Variants in CSNK2A2 observed in about 807,000 individuals in gnomAD.
CSNK2A2 encodes casein kinase 2 alpha 2, also known as casein kinase II subunit alpha'.
A neutral mutation model predicts 54.0 loss-of-function variants in CSNK2A2; 8 were observed. The observed-to-expected ratio is 0.15, with a 90% CI of 0.09 to 0.27. The LOEUF (loss-of-function observed/expected upper bound fraction) is 0.27. CSNK2A2 is among the 10% of genes least tolerant of loss of function. The probability of loss-of-function intolerance (pLI) is 1.00; values close to 1 mark genes in which losing one functional copy is unlikely to be tolerated. For synonymous variants in CSNK2A2, 141 were observed against 153.9 expected, an observed-to-expected ratio of 0.92 and a Z score of 0.62; for missense variants, 242 against 439.4, an observed-to-expected ratio of 0.55 and a Z score of 4.02.
intron 11 of CSNK2A2, chr16:58,161,546 C>CACACACACACACACACAG (rs372634548): frequency 1.5e-4 from 23 of 150,438 alleles, no homozygotes; most frequent in African/African-American, 5.7e-4. Flanking sequence ...CAGACACACA[C>CACACACACACACACACAG]ACAGACACAC....
Position 58,171,867 on chromosome 16 carries a change from A to C in CSNK2A2, c.429+2584T>G, listed in dbSNP as rs550976965. ...CAGTGGCATGATCTCAGCTCACTGC[A>C]ACCTCTGCCTCACAGGCTCAAGTGG... On this transcript the variant is annotated intron_variant, in intron 5 of 11. Transcript: ENST00000262506. Among the ~76,000 whole-genome samples, 11 of 148,480 alleles carry C rather than the reference A, an allele frequency of 7.4e-5. No individual in the cohort carries two copies. The East Asian group carries it at 2.2e-3, about 29-fold the overall frequency.
intron 5 of CSNK2A2, among the ~76,000 whole-genome samples, chr16:58,170,087 CTTTG>C (rs773915144): frequency 4.4e-4 from 67 of 152,086 alleles, no homozygotes; most frequent in Middle Eastern, 3.4e-3. Flanking sequence ...GAGAAAATTG[CTTTG>C]TTTAAGATGA....
intron 2 of CSNK2A2, among the ~76,000 whole-genome samples, chr16:58,196,170 C>A (rs1318233492): frequency 6.6e-6 from 1 of 152,106 alleles, no homozygotes; most frequent in Admixed American, 6.5e-5. Flanking sequence ...ACAAACGGAG[C>A]CCTTTTGGAA....
At chr16:58,167,824 A>G (rs944894396) in intron 6 of CSNK2A2, 29 bp from the exon 7 acceptor site, 1 of 1,570,956 alleles carries the variant, frequency 6.4e-7, no homozygotes, top group African/African-American at 1.4e-5. Flanking sequence ...AAAACATGTG[A>G]AAGGAGTGTT....
intron 4 of CSNK2A2, among the ~76,000 whole-genome samples, chr16:58,178,833 T>C (rs569455593): frequency 6.6e-6 from 1 of 152,306 alleles, no homozygotes; most frequent in South Asian, 2.1e-4. Context: ...ACACTTGGTA[T>C]AACAAATGAT....
intron 11 of CSNK2A2, chr16:58,161,526 GACACACACACAGAC>G (rs1567460694): frequency 9.3e-6 from 1 of 107,500 alleles, no homozygotes; most frequent in Non-Finnish European, 1.7e-5. Flanking sequence ...TAGACACACA[GACACACACACAGAC>G]ACACACACAG....
At chr16:58,171,979 A>ATTTTT (rs746200172) in intron 5 of CSNK2A2, among the ~76,000 whole-genome samples, 1 of 66,186 alleles carries the variant, frequency 1.5e-5, no homozygotes, top group Non-Finnish European at 2.5e-5. Context: ...ATATATATAT[A>ATTTTT]TTTTTTTTTT....
At chr16:58,192,138 G>A (rs1365788505) in intron 2 of CSNK2A2, among the ~76,000 whole-genome samples, 1 of 152,148 alleles carries the variant, frequency 6.6e-6, no homozygotes, top group African/African-American at 2.4e-5. Context: ...TTATTTCATA[G>A]ATGAGAAAAC....
At position 58,164,145 on chromosome 16, in the gene CSNK2A2, G is replaced by C; in HGVS notation, c.979C>G (p.Pro327Ala). ...KEAMEHPYFYPVVKEQSQPCA... is the reference protein window; with the variant it reads ...KEAMEHPYFYAVVKEQSQPCA... ...GGCTGGGACTGCTCCTTCACCACAG[G>C]GTCTGCAAGAAAGCAGGAGGAAAGT... Residue 327 changes from proline (P) to alanine (A), a missense_variant and splice_region_variant, in exon 11 of 12, where the codon CCT (proline) becomes GCT (alanine). By Grantham distance (27) the Pro-to-Ala change is conservative (BLOSUM62 -1). Around this residue, in one of 5 missense-constraint regions of CSNK2A2, gnomAD observed 81 missense variants for 135.0 expected, o/e 0.60. Coordinates refer to ENST00000262506, the MANE Select transcript of CSNK2A2 (RefSeq NM_001896.4). 6.2e-7 allele frequency: 1 copy of C among 1,613,672 alleles called. No individual in the cohort carries two copies. Among genetic ancestry groups the C allele is most frequent in the African/African-American group, 1.3e-5 (1 of 75,018 alleles).
chr16:58,162,540 T>C (rs1227419744), intron 11 of CSNK2A2: 2 of 152,124 alleles, frequency 1.3e-5, no homozygotes, highest in Non-Finnish European at 1.5e-5. Flanking sequence ...ACCAATAAGA[T>C]TTTATTGGAA....
In CSNK2A2 at chr16:58,165,637, T is replaced by C; in HGVS notation, c.899A>G (p.Asp300Gly). 1 of 1,614,124 alleles carries C rather than the reference T, an allele frequency of 6.2e-7. No homozygotes were observed. The highest frequency in any genetic ancestry group is 8.5e-7 in the Non-Finnish European group (1 of 1,179,984). ...NRHLVSPEALDLLDKLLRYDH... is the reference protein window; with the variant it reads ...NRHLVSPEALGLLDKLLRYDH... The stretch of plus-strand genomic sequence containing the variant: ...GTATCGCAGAAGTTTGTCCAGAAGA[T>C]CTAGGGCCTCAGGGCTGACAAGGTG... The change falls in exon 10 of 12, where the codon GAT (aspartate) becomes GGT (glycine). Residue 300 changes from aspartate (D) to glycine (G), a missense_variant. Around this residue, in one of 5 missense-constraint regions of CSNK2A2, gnomAD observed 81 missense variants for 135.0 expected, o/e 0.60. Transcript: ENST00000262506.
chr16:58,171,122 C>T (rs1229133498), intron 5 of CSNK2A2, among the ~76,000 whole-genome samples: 1 of 152,118 alleles, frequency 6.6e-6, no homozygotes, highest in Non-Finnish European at 1.5e-5. Flanking sequence ...GAATGGACTT[C>T]TTCATGCTGG....
At chr16:58,187,536 C>T (rs1262811490) in intron 2 of CSNK2A2, among the ~76,000 whole-genome samples, 2 of 152,162 alleles carry the variant, frequency 1.3e-5, no homozygotes, top group African/African-American at 4.8e-5. Context: ...AGATTAAAGG[C>T]TTTAAAAATA....
chr16:58,161,415 T>C (rs1265045329), intron 11 of CSNK2A2: 2 of 152,156 alleles, frequency 1.3e-5, no homozygotes, highest in African/African-American at 4.8e-5. Flanking sequence ...TTTAAGATAA[T>C]GAAGCAAACA....
In CSNK2A2 at chr16:58,167,383, C is replaced by T. The variant is rs543285342; in HGVS notation, c.625-75G>A. On this transcript the variant is annotated intron_variant, in intron 7 of 11. Transcript: ENST00000262506. ...TTCTGATATAAATTTCTTTTTTAGA[C>T]GAGATTGGGCGTGTTCAGGGTGGTA... 119 of 1,137,236 alleles carry T rather than the reference C, an allele frequency of 1.0e-4. 1 individual carries two copies. In the South Asian group the frequency reaches 1.7e-3, roughly 16 times the overall value. The allele number at this position is 1,137,236 out of a possible 1,614,324, so 70.4% of individuals were successfully genotyped here.
At chr16:58,192,883 T>C (rs888691841) in intron 2 of CSNK2A2, 3 of 152,260 alleles carry the variant, frequency 2.0e-5, no homozygotes, top group Non-Finnish European at 4.4e-5. Flanking sequence ...CTTGGTTGAT[T>C]TGTAAAAAGG....
intron 7 of CSNK2A2, 70 bp downstream of exon 7, chr16:58,167,615 G>T (rs1011249065): frequency 1.8e-5 from 21 of 1,195,988 alleles, no homozygotes; most frequent in African/African-American, 4.5e-5. Context: ...AAACTGACTA[G>T]ATCAACAGCA....
At chr16:58,175,184 G>A (rs2142425507) in intron 4 of CSNK2A2, among the ~76,000 whole-genome samples, 1 of 152,258 alleles carries the variant, frequency 6.6e-6, no homozygotes, top group African/African-American at 2.4e-5. Flanking sequence ...ATAGGTAAAT[G>A]GAAGTTTTCA....
At chr16:58,182,374 C>CA (rs71155249) in intron 4 of CSNK2A2, among the ~76,000 whole-genome samples, 735 of 25,730 alleles carry the variant, frequency 0.029, 164 homozygotes, top group Non-Finnish European at 0.03. Context: ...CTAAATATAC[C>CA]AAAAAAAAAA....
Sources: gnomAD v4.1 joint callset for allele counts (sites outside exome capture counted in the v4.1 genomes callset) on GRCh38, gnomAD v4.1.1 for gene constraint, gnomAD v4.1.1 regional missense constraint, MANE v1.5 for transcripts, NCBI Gene and HGNC (gene_info 2026-07-23, HGNC 2026-07-21) for gene names.